ZNF646: variants seen among roughly 807,000 people sequenced by gnomAD.
The protein encoded by ZNF646 is zinc finger protein 646.
ZNF646 carries 49 observed loss-of-function variants against 115.4 expected under a neutral mutation model. The observed-to-expected ratio is 0.42, with a 90% confidence interval of 0.34 to 0.54. The LOEUF is 0.54. Ranked by LOEUF, ZNF646 falls within the 20% of genes least tolerant of loss-of-function variation. ZNF646 has a pLI of 0.04. For missense variants in ZNF646, 2,269 were observed against 2,457.9 expected (o/e 0.92, Z 1.62); for synonymous variants, 933 against 939.0 (o/e 0.99, Z 0.12).
chr16:31,076,768 TG>T lies in ZNF646; in HGVS notation c.445del (p.Asp149ThrfsTer70). On this transcript the variant is annotated frameshift_variant, in exon 2 of 3. Transcript: ENST00000300850. LOFTEE classifies it high-confidence loss of function. Reference sequence around the variant, plus strand: ...AGACAAAACATACAGAAGAGACACCTGACTGTGAATCTGTACCTGACCCCAG... The same window carrying T: ...AGACAAAACATACAGAAGAGACACCTACTGTGAATCTGTACCTGACCCCAG... ...NQTKHTEETP[D>X]CESVPDPRAA... The T allele has an allele frequency of 6.2e-7, 1 of 1,613,914 alleles. No individual in the cohort carries two copies. The highest frequency in any genetic ancestry group is 1.7e-5 in the Admixed American group (1 of 60,026).
At position 31,079,012 on chromosome 16, in the gene ZNF646, C is replaced by T. The variant is rs1180219063; in HGVS notation, c.2688C>T (p.Tyr896=). ...TGATCTTCCCTGGGCGGGCTGGCTA[C>T]AGGCTTCACCGGCGCCAGGCCCACA... ...CGMIFPGRAG[Y]RLHRRQAHSS... Residue 896 remains tyrosine (Y), a synonymous_variant, in exon 2 of 3, where the codon TAC becomes TAT. Coordinates refer to ENST00000300850, the MANE Select transcript of ZNF646 (RefSeq NM_014699.4). The surrounding 1 kb of genome is among the most constrained non-coding windows in gnomAD (Gnocchi z 5.5). The T allele has an allele frequency of 8.8e-6, 14 of 1,591,866 alleles. No homozygotes were observed. Among genetic ancestry groups the T allele is most frequent in the Non-Finnish European group, 1.1e-5 (13 of 1,166,818 alleles).
At position 31,076,967 on chromosome 16, in the gene ZNF646, G is replaced by C. The variant is rs2057085520; in HGVS notation, c.643G>C (p.Ala215Pro). The C allele has an allele frequency of 6.2e-7, 1 of 1,614,076 alleles. No individual in the cohort carries two copies. The highest frequency in any genetic ancestry group is 8.5e-7 in the Non-Finnish European group (1 of 1,179,972). ...SLLSNLEQYL[A>P]ESVVNFTGGQ... ...TCTTAGCAACTTGGAACAGTATCTG[G>C]CTGAATCAGTAGTGAACTTCACAGG... Residue 215 changes from alanine (A) to proline (P), a missense_variant, in exon 2 of 3, where the codon GCT becomes CCT. Around this residue, in one of 5 missense-constraint regions of ZNF646, gnomAD observed 334 missense variants for 323.5 expected, o/e 1.03. Coordinates refer to ENST00000300850, the MANE Select transcript of ZNF646 (RefSeq NM_014699.4).
At position 31,078,040 on chromosome 16, in the gene ZNF646, A is replaced by G; in HGVS notation, c.1716A>G (p.Thr572=). Residue 572 remains threonine (T), a synonymous_variant, in exon 2 of 3, where the codon ACA becomes ACG. Transcript: ENST00000300850. ...ATDITPAADK[T]AAHICSICGL... ...ACATCACCCCAGCAGCAGACAAGAC[A>G]GCAGCACATATCTGTAGCATCTGTG... is the stretch of plus-strand genomic sequence containing the variant. 6.2e-7 allele frequency: 1 copy of G among 1,614,216 alleles called. No homozygotes were observed. The highest frequency in any genetic ancestry group is 1.1e-5 in the South Asian group (1 of 91,086).
In ZNF646 at chr16:31,079,448, G is replaced by A. The variant is rs2057125011; in HGVS notation, c.3124G>A (p.Glu1042Lys). Residue 1042 changes from glutamate to lysine, a missense_variant, in exon 2 of 3, where the codon GAA becomes AAA. Physicochemically the swap from Glu to Lys is moderately conservative, Grantham distance 56. Transcript: ENST00000300850. The surrounding 1 kb of genome is among the most constrained non-coding windows in gnomAD (Gnocchi z 5.5). Reference sequence around the variant, plus strand: ...AGACAGCCTCTGCATCCAGGGTGGGGAAAGTTTGTTGGAGGCTCAGCCCCG... The same window carrying A: ...AGACAGCCTCTGCATCCAGGGTGGGAAAAGTTTGTTGGAGGCTCAGCCCCG... Reference protein sequence around the residue: ...LGDSLCIQGGESLLEAQPRPF... With the variant: ...LGDSLCIQGGKSLLEAQPRPF... 6.2e-7 allele frequency: 1 copy of A among 1,613,724 alleles called. No individual in the cohort carries two copies. The highest frequency in any genetic ancestry group is 1.3e-5 in the African/African-American group (1 of 74,934).
chr16:31,082,934 C>A, intron 2 of ZNF646, 37 bp from the exon 3 acceptor site: 1 of 1,554,362 alleles, frequency 6.4e-7, no homozygotes, highest in Non-Finnish European at 8.7e-7. Context: ...GCGGGGTCTG[C>A]CCCTCAGTTG....
Position 31,076,404 on chromosome 16 carries a change from G to T in ZNF646, c.80G>T (p.Arg27Leu), listed in dbSNP as rs1275237333. Residue 27 changes from arginine to leucine, a missense_variant, in exon 2 of 3, where the codon CGA becomes CTA. Coordinates refer to ENST00000300850, the MANE Select transcript of ZNF646 (RefSeq NM_014699.4). ...AGCCTCCCAGAGCTCTCTCGGCACC[G>T]AGAACTGCTCCATCCATCTCCCAAC... Reference protein sequence around the residue: ...FPSLPELSRHRELLHPSPNQD... With the variant: ...FPSLPELSRHLELLHPSPNQD... 1.9e-6 allele frequency: 3 copies of T among 1,613,858 alleles called. No homozygotes were observed. Among genetic ancestry groups the T allele is most frequent in the Non-Finnish European group, 2.5e-6 (3 of 1,180,000 alleles).
In ZNF646 at chr16:31,081,778, A is replaced by G. The variant is rs752480301; in HGVS notation, c.5377+77A>G. 19 of 1,469,086 alleles carry G rather than the reference A, an allele frequency of 1.3e-5. No homozygotes were observed. The Admixed American group carries it at 2.9e-4, about 22-fold the overall frequency. 91.0% of individuals were successfully genotyped at this position (1,469,086 alleles called of 1,614,324 possible). A position where few individuals can be genotyped will look rare whatever the true frequency, so the allele number is the denominator to read the frequency against. ...AGTCCAGCCCCAAAGTCGGTGGGGG[A>G]GCAAGGAGTGAGAGGAGAGAGCCCC... is the stretch of plus-strand genomic sequence containing the variant. On this transcript the variant is annotated intron_variant, in intron 2 of 2. Transcript: ENST00000300850.
At position 31,078,902 on chromosome 16, in the gene ZNF646, C is replaced by T. The variant is rs1018911393; in HGVS notation, c.2578C>T (p.Leu860=). Residue 860 remains leucine, a synonymous_variant, in exon 2 of 3, where the codon CTG becomes TTG. Coordinates refer to ENST00000300850, the MANE Select transcript of ZNF646 (RefSeq NM_014699.4). The part of the protein sequence containing the change: ...CSLCPKEFDS[L]PALRSHFQNH... Reference sequence around the variant, plus strand: ...CCTCTGCCCGAAGGAGTTTGACTCTCTGCCTGCCCTCCGCAGCCACTTCCA... The same window carrying T: ...CCTCTGCCCGAAGGAGTTTGACTCTTTGCCTGCCCTCCGCAGCCACTTCCA... 2 of 1,613,688 alleles carry T rather than the reference C, an allele frequency of 1.2e-6. No homozygotes were observed. Among genetic ancestry groups the T allele is most frequent in the Non-Finnish European group, 1.7e-6 (2 of 1,180,042 alleles).
chr16:31,083,622 G>A lies in ZNF646; in HGVS notation c.*530G>A. ...GTCCACAGACACCCCTGTCCTGCAG[G>A]GTGGGGAGTGGGCACCTGTGGCCCC... is the stretch of plus-strand genomic sequence containing the variant. On this transcript the variant is annotated 3_prime_UTR_variant, in exon 3 of 3. Transcript: ENST00000300850. 1 of 1,507,456 alleles carries A rather than the reference G, an allele frequency of 6.6e-7. No individual in the cohort carries two copies. The highest frequency in any genetic ancestry group is 8.9e-7 in the Non-Finnish European group (1 of 1,123,372). 93.4% of individuals were successfully genotyped at this position (1,507,456 alleles called of 1,614,324 possible). A position where few individuals can be genotyped will look rare whatever the true frequency, so the allele number is the denominator to read the frequency against.
At chr16:31,081,841 G>A (rs1326506796) in intron 2 of ZNF646, 140 bp downstream of exon 2, 4 of 1,340,508 alleles carry the variant, frequency 3.0e-6, no homozygotes, top group Non-Finnish European at 4.0e-6. Context: ...TGGCTATGGG[G>A]TGAGAGAAGT....
chr16:31,074,015 G>C (rs981970812), upstream of ZNF646: 20 of 152,406 alleles, frequency 1.3e-4, no homozygotes, highest in African/African-American at 4.8e-4. Context: ...CCATGCTCAA[G>C]CTCTGCAAAA....
rs1412489753 is a variant in ZNF646 at position 31,083,272 on chromosome 16, C to T, written c.*180C>T. On this transcript the variant is annotated 3_prime_UTR_variant, in exon 3 of 3. Coordinates refer to ENST00000300850, the MANE Select transcript of ZNF646 (RefSeq NM_014699.4). ...GGTGGGGTGTTCCTCGCGTCCCTGT[C>T]CTTGAAGGACCTCCTTCCCCCAGCC... is the stretch of plus-strand genomic sequence containing the variant. 1.9e-6 allele frequency: 2 copies of T among 1,028,904 alleles called. No homozygotes were observed. The highest frequency in any genetic ancestry group is 3.4e-5 in the African/African-American group (2 of 59,566). The allele number at this position is 1,028,904 out of a possible 1,614,324, so 63.7% of individuals were successfully genotyped here. A position where few individuals can be genotyped will look rare whatever the true frequency, so the allele number is the denominator to read the frequency against.
chr16:31,080,379 G>T lies in ZNF646; in HGVS notation c.4055G>T (p.Arg1352Leu). 1 of 1,613,188 alleles carries T rather than the reference G, an allele frequency of 6.2e-7. No individual in the cohort carries two copies. The highest frequency in any genetic ancestry group is 1.3e-5 in the African/African-American group (1 of 75,074). ...KDHQRLHSENRRRRAGRSRRT... is the reference protein window; with the variant it reads ...KDHQRLHSENLRRRAGRSRRT... ...CACCAGAGGCTGCACTCAGAGAATC[G>T]GCGGCGACGGGCTGGACGGTCCAGG... Residue 1352 changes from arginine (R) to leucine (L), a missense_variant, in exon 2 of 3, where the codon CGG (arginine) becomes CTG (leucine). Arg to Leu is a moderately radical substitution (Grantham distance 102). This residue lies in a region of ZNF646 where 1,062 missense variants were observed against 1,172.8 expected (regional missense o/e 0.91). Transcript: ENST00000300850.
intron 1 of ZNF646, among the ~76,000 whole-genome samples, chr16:31,075,136 G>A (rs533091783): frequency 2.6e-5 from 4 of 152,144 alleles, no homozygotes; most frequent in African/African-American, 7.2e-5. Flanking sequence ...GGAGGCAGAA[G>A]AAAAAAATGA....
chr16:31,082,831 T>C, intron 2 of ZNF646, 140 bp from the exon 3 acceptor site: 1 of 1,159,992 alleles, frequency 8.6e-7, no homozygotes, highest in South Asian at 1.5e-5. Context: ...GCTGGGAAAA[T>C]AATTAGGAGG....
At position 31,078,900 on chromosome 16, in the gene ZNF646, C is replaced by G. The variant is rs765117962; in HGVS notation, c.2576C>G (p.Ser859Cys). ...QCSLCPKEFD[S>C]LPALRSHFQN... ...TCCCTCTGCCCGAAGGAGTTTGACT[C>G]TCTGCCTGCCCTCCGCAGCCACTTC... The change falls in exon 2 of 3, where the codon TCT becomes TGT. Residue 859 changes from serine to cysteine, a missense_variant. Physicochemically the swap from Ser to Cys is moderately radical, Grantham distance 112 (BLOSUM62 -1). Coordinates refer to ENST00000300850, the MANE Select transcript of ZNF646 (RefSeq NM_014699.4). 2.5e-6 allele frequency: 4 copies of G among 1,613,688 alleles called. No individual in the cohort carries two copies. Among genetic ancestry groups the G allele is most frequent in the Non-Finnish European group, 3.4e-6 (4 of 1,180,040 alleles).
In ZNF646 at chr16:31,077,216, C is replaced by T; in HGVS notation, c.892C>T (p.His298Tyr). 6.2e-7 allele frequency: 1 copy of T among 1,614,168 alleles called. No individual in the cohort carries two copies. Among genetic ancestry groups the T allele is most frequent in the East Asian group, 2.2e-5 (1 of 44,866 alleles). ...HAQYRPYHCP[H>Y]CPRVFRLPRE... Reference sequence around the variant, plus strand: ...CCAGTATCGGCCTTACCACTGTCCCCACTGCCCCCGTGTCTTCCGGCTCCC... The same window carrying T: ...CCAGTATCGGCCTTACCACTGTCCCTACTGCCCCCGTGTCTTCCGGCTCCC... The change falls in exon 2 of 3, where the codon CAC becomes TAC. Residue 298 changes from histidine to tyrosine, a missense_variant. Physicochemically the swap from His to Tyr is moderately conservative, Grantham distance 83. Around this residue, in one of 5 missense-constraint regions of ZNF646, gnomAD observed 852 missense variants for 900.2 expected, o/e 0.95. Coordinates refer to ENST00000300850, the MANE Select transcript of ZNF646 (RefSeq NM_014699.4).
Position 31,081,654 on chromosome 16 carries a change from TGCAGCACCAGCA to T in ZNF646, c.5341_5352del (p.Gln1781_Gln1784del), listed in dbSNP as rs762185298. On this transcript the variant is annotated inframe_deletion, in exon 2 of 3. Transcript: ENST00000300850. ...CACTTCCGCCGCCGAATCAGCTTCG[TGCAGCACCAGCA>T]GCAGCACCAGGAGGAGTGGACGGTG... 6.2e-6 allele frequency: 10 copies of T among 1,605,952 alleles called. No homozygotes were observed. The highest frequency in any genetic ancestry group is 1.3e-5 in the African/African-American group (1 of 74,816).
chr16:31,074,308 TA>T (rs2057047592), upstream of ZNF646: 1 of 152,380 alleles, frequency 6.6e-6, no homozygotes, highest in South Asian at 2.1e-4. Context: ...ACCTAGAACT[TA>T]GCGCCGGAAG....
Sources: allele counts gnomAD v4.1 joint callset (sites outside exome capture counted in the v4.1 genomes callset), GRCh38; gene constraint gnomAD v4.1.1; regional missense constraint gnomAD v4.1.1; non-coding constraint Gnocchi (gnomAD v3.1); transcripts MANE v1.5; gene names NCBI Gene and HGNC (gene_info 2026-07-23, HGNC 2026-07-21).